The following CREB5 variants were observed in gnomAD, a reference collection of about 807,000 sequenced individuals.
CREB5 encodes cAMP responsive element binding protein 5, also known as cyclic AMP-responsive element-binding protein 5.
A neutral mutation model predicts 57.1 loss-of-function variants in CREB5; 19 were observed. The observed-to-expected ratio is 0.33, with a 90% CI of 0.23 to 0.49. The LOEUF (loss-of-function observed/expected upper bound fraction) is 0.49. Among genes scored for constraint, CREB5 ranks in the 20% least tolerant of loss-of-function variants. CREB5 has a pLI of 0.99. For synonymous variants in CREB5, 238 were observed against 238.3 expected (o/e 1.00, Z 0.01); for missense variants, 579 against 671.6 (o/e 0.86, Z 1.52).
At chr7:28,377,330 CT>C (rs1786853040) in intron 1 of CREB5, among the ~76,000 whole-genome samples, 1 of 151,964 alleles carries the variant, frequency 6.6e-6, no homozygotes, top group South Asian at 2.1e-4. Flanking sequence ...TATGAAAAAA[CT>C]TTATACTGAT....
intron 1 of CREB5, among the ~76,000 whole-genome samples, chr7:28,308,578 G>A (rs1002252549): frequency 6.6e-6 from 1 of 152,108 alleles, no homozygotes; most frequent in Admixed American, 6.5e-5. Context: ...GCCTGGTTCC[G>A]GTATTGTGTG....
intron 4 of CREB5, among the ~76,000 whole-genome samples, chr7:28,542,759 C>A (rs539285785): frequency 6.6e-6 from 1 of 152,260 alleles, no homozygotes; most frequent in African/African-American, 2.4e-5. Context: ...TAAACCCTGA[C>A]AGAAAAGCTT....
At chr7:28,367,722 T>C (rs1442832748) in intron 1 of CREB5, among the ~76,000 whole-genome samples, 2 of 152,110 alleles carry the variant, frequency 1.3e-5, no homozygotes, top group East Asian at 1.9e-4. Flanking sequence ...GCAGGAGAAT[T>C]GCTTGAACCC....
At chr7:28,503,035 T>C (rs1286212253) in intron 3 of CREB5, among the ~76,000 whole-genome samples, 1 of 152,254 alleles carries the variant, frequency 6.6e-6, no homozygotes, top group Non-Finnish European at 1.5e-5. Flanking sequence ...CTTGCTGGGC[T>C]GAAGCTCTTG....
At chr7:28,560,899 T>TGTGCGTGTGTGCGCGTGC in intron 4 of CREB5, among the ~76,000 whole-genome samples, 1 of 18,644 alleles carries the variant, frequency 5.4e-5, no homozygotes, top group Non-Finnish European at 9.8e-5. Context: ...TGTGTGTGCG[T>TGTGCGTGTGTGCGCGTGC]GCGCGCGTGC....
chr7:28,503,071 G>C (rs1421738359), intron 3 of CREB5, among the ~76,000 whole-genome samples: 1 of 152,250 alleles, frequency 6.6e-6, no homozygotes, highest in East Asian at 1.9e-4. Context: ...TGAACTGATA[G>C]GAAGCGCTAA....
chr7:28,647,870 C>T (rs1422855541), intron 5 of CREB5, among the ~76,000 whole-genome samples: 2 of 151,862 alleles, frequency 1.3e-5, no homozygotes, highest in East Asian at 1.9e-4. Context: ...CTCTTGAGCC[C>T]GGGAGTTCAA....
At chr7:28,410,090 C>G (rs772598144), upstream of CREB5, 3 of 396,990 alleles carry the variant, frequency 7.6e-6, no homozygotes, top group Admixed American at 2.8e-5. Context: ...GCAGGGGGCT[C>G]GCTCTCCCCG....
chr7:28,491,053 G>A (rs371011718), intron 2 of CREB5: 4 of 245,168 alleles, frequency 1.6e-5, no homozygotes, highest in Non-Finnish European at 2.6e-5. Flanking sequence ...AGAGGGGAAC[G>A]GGGGCGGAGG....
intron 1 of CREB5, among the ~76,000 whole-genome samples, chr7:28,465,286 G>T (rs1294181371): frequency 6.6e-6 from 1 of 152,194 alleles, no homozygotes; most frequent in Non-Finnish European, 1.5e-5. Context: ...AGCTTGGACT[G>T]GGAGTGCAGT....
intron 7 of CREB5, among the ~76,000 whole-genome samples, chr7:28,759,930 G>GACT (rs1805549249): frequency 6.6e-6 from 1 of 152,186 alleles, no homozygotes; most frequent in African/African-American, 2.4e-5. Context: ...ATGTGAGTTT[G>GACT]ACTAATGACA....
intron 1 of CREB5, among the ~76,000 whole-genome samples, chr7:28,342,883 ATTTC>A (rs1785964248): frequency 6.6e-6 from 1 of 152,124 alleles, no homozygotes; most frequent in Non-Finnish European, 1.5e-5. Context: ...TAAGTCTATC[ATTTC>A]TTTGTGGTGA....
At chr7:28,697,345 G>A (rs1200779945) in intron 5 of CREB5, among the ~76,000 whole-genome samples, 2 of 152,112 alleles carry the variant, frequency 1.3e-5, no homozygotes, top group African/African-American at 4.8e-5. Context: ...CCAACTCCTA[G>A]ATTCCTTTCC....
chr7:28,559,014 C>T (rs1427619062), intron 4 of CREB5, among the ~76,000 whole-genome samples: 1 of 152,204 alleles, frequency 6.6e-6, no homozygotes, highest in African/African-American at 2.4e-5. Context: ...GCGCCCCTTT[C>T]GTGATTTTAA....
intron 7 of CREB5, among the ~76,000 whole-genome samples, chr7:28,787,459 C>T (rs1428837759): frequency 6.6e-6 from 1 of 152,206 alleles, no homozygotes; most frequent in East Asian, 1.9e-4. Flanking sequence ...GGCTTTTAAT[C>T]TCACTGGCTC....
At chr7:28,313,886 C>G (rs1201718762) in intron 1 of CREB5, among the ~76,000 whole-genome samples, 1 of 152,164 alleles carries the variant, frequency 6.6e-6, no homozygotes, top group Non-Finnish European at 1.5e-5. Context: ...TTTATTCTAG[C>G]ATACCATACA....
At chr7:28,729,466 G>C (rs1305115032) in intron 7 of CREB5, among the ~76,000 whole-genome samples, 1 of 152,192 alleles carries the variant, frequency 6.6e-6, no homozygotes, top group Non-Finnish European at 1.5e-5. Context: ...GTCAACCTGG[G>C]TGTGTTTGTG....
intron 1 of CREB5, among the ~76,000 whole-genome samples, chr7:28,438,760 G>A (rs895034505): frequency 1.3e-5 from 2 of 152,160 alleles, no homozygotes; most frequent in Admixed American, 6.5e-5. Flanking sequence ...CCCCAAGTGG[G>A]GAGCAACTGG....
At chr7:28,369,594 C>CT (rs1786663637) in intron 1 of CREB5, among the ~76,000 whole-genome samples, 1 of 152,102 alleles carries the variant, frequency 6.6e-6, no homozygotes, top group East Asian at 1.9e-4. Flanking sequence ...TTCAACTAAC[C>CT]GTAGTTGTGG....
Sources: allele counts gnomAD v4.1 joint callset (sites outside exome capture counted in the v4.1 genomes callset), GRCh38; gene constraint gnomAD v4.1.1; transcripts MANE v1.5; gene names NCBI Gene and HGNC (gene_info 2026-07-23, HGNC 2026-07-21).